CDH13: variants seen among roughly 807,000 people sequenced by gnomAD.
The protein encoded by CDH13 is cadherin-13.
In CDH13, 24 loss-of-function variants were observed where a neutral mutation model predicts 63.8. The observed-to-expected ratio is 0.38, with a 90% CI of 0.27 to 0.53. The LOEUF is 0.53. Among genes scored for constraint, CDH13 ranks in the 20% least tolerant of loss-of-function variants. CDH13 has a pLI of 0.85. For synonymous variants in CDH13, 503 were observed against 355.3 expected, an observed-to-expected ratio of 1.42 and a Z score of -4.67; for missense variants, 1,049 against 903.1, an observed-to-expected ratio of 1.16 and a Z score of -2.07.
At chr16:83,403,870 T>A (rs1047262518) in intron 6 of CDH13, among the ~76,000 whole-genome samples, 1 of 152,076 alleles carries the variant, frequency 6.6e-6, no homozygotes, top group Non-Finnish European at 1.5e-5. Flanking sequence ...AAAAGGAAGG[T>A]GATTTACAAT....
At position 82,644,677 on chromosome 16, in the gene CDH13, A is replaced by G. The variant is rs1038254235; in HGVS notation, c.45+17540A>G. Among the ~76,000 whole-genome samples, 1 of 152,088 alleles carries G rather than the reference A, an allele frequency of 6.6e-6. No homozygotes were observed. Among genetic ancestry groups the G allele is most frequent in the African/African-American group, 2.4e-5 (1 of 41,412 alleles). On this transcript the variant is annotated intron_variant, in intron 1 of 13. Transcript: ENST00000567109. The surrounding 1 kb of genome is among the most constrained non-coding windows in gnomAD (Gnocchi z 5.7). The stretch of plus-strand genomic sequence containing the variant: ...GGCTGGGGCAGAAGTCAGGACTTGA[A>G]CTGGCTCTGGCTGGGACCCAGGCTC...
At chr16:82,690,692 C>CTA (rs980807491) in intron 1 of CDH13, among the ~76,000 whole-genome samples, 49 of 152,252 alleles carry the variant, frequency 3.2e-4, no homozygotes, top group African/African-American at 1.2e-3. Context: ...CTGGAAGCCA[C>CTA]TATGCCCACC....
At chr16:83,089,741 A>G (rs769033755) in intron 3 of CDH13, among the ~76,000 whole-genome samples, 1 of 152,164 alleles carries the variant, frequency 6.6e-6, no homozygotes, top group Non-Finnish European at 1.5e-5. Flanking sequence ...TATAAGGGCT[A>G]CACGTCGGAA....
At chr16:83,564,960 A>G (rs1342892939) in intron 7 of CDH13, among the ~76,000 whole-genome samples, 1 of 152,090 alleles carries the variant, frequency 6.6e-6, no homozygotes. Context: ...TGTTGTTTTC[A>G]GTTAGAAGCA....
chr16:82,672,782 CACACACACACACACACACAT>C (rs952241011), intron 1 of CDH13, among the ~76,000 whole-genome samples: 7 of 149,192 alleles, frequency 4.7e-5, no homozygotes, highest in African/African-American at 1.5e-4. Context: ...CACACACACA[CACACACACACACACACACAT>C]ACACACACAC....
chr16:82,762,876 G>C (rs1271429934), intron 1 of CDH13, among the ~76,000 whole-genome samples: 1 of 152,174 alleles, frequency 6.6e-6, no homozygotes, highest in Non-Finnish European at 1.5e-5. Context: ...TTCATTAATA[G>C]CCATTATTGT....
intron 6 of CDH13, among the ~76,000 whole-genome samples, chr16:83,400,196 A>T (rs2091947109): frequency 6.6e-6 from 1 of 151,982 alleles, no homozygotes; most frequent in African/African-American, 2.4e-5. Context: ...GGACTCCTTG[A>T]TGGCCACGAA....
intron 1 of CDH13, among the ~76,000 whole-genome samples, chr16:82,782,583 G>T (rs2035813132): frequency 1.3e-5 from 2 of 151,862 alleles, no homozygotes; most frequent in South Asian, 4.2e-4. Flanking sequence ...TAAACAAATG[G>T]ATGCATGAAC....
intron 10 of CDH13, among the ~76,000 whole-genome samples, chr16:83,736,554 T>C (rs1221833836): frequency 1.3e-5 from 2 of 152,092 alleles, no homozygotes; most frequent in Admixed American, 6.5e-5. Flanking sequence ...TTATATGAGA[T>C]ATAAATGTCT....
intron 1 of CDH13, among the ~76,000 whole-genome samples, chr16:82,854,148 C>T (rs760218067): frequency 2.6e-5 from 4 of 152,054 alleles, no homozygotes; most frequent in Non-Finnish European, 5.9e-5. Flanking sequence ...GCCTGTAATC[C>T]TAGAACTTTG....
At chr16:83,211,389 A>G (rs1209217892) in intron 4 of CDH13, among the ~76,000 whole-genome samples, 2 of 152,228 alleles carry the variant, frequency 1.3e-5, no homozygotes, top group Non-Finnish European at 2.9e-5. Flanking sequence ...ACACACATAT[A>G]CACATACAAA....
intron 2 of CDH13, among the ~76,000 whole-genome samples, chr16:82,866,377 C>G (rs1372960421): frequency 1.7e-5 from 1 of 58,300 alleles, no homozygotes; most frequent in Non-Finnish European, 2.9e-5. Flanking sequence ...TTTTCTTCTT[C>G]TTTTTTTTTT....
intron 7 of CDH13, among the ~76,000 whole-genome samples, chr16:83,576,641 T>A (rs888138900): frequency 6.6e-6 from 1 of 152,234 alleles, no homozygotes; most frequent in Non-Finnish European, 1.5e-5. Context: ...AGAATTCCAG[T>A]TTCTCCACAT....
At chr16:83,016,856 G>A (rs780639130) in intron 2 of CDH13, among the ~76,000 whole-genome samples, 3 of 152,148 alleles carry the variant, frequency 2.0e-5, no homozygotes, top group East Asian at 1.9e-4. Flanking sequence ...CTGGCTACAC[G>A]TCATTTATGA....
chr16:82,837,517 G>T (rs546670264), intron 1 of CDH13, among the ~76,000 whole-genome samples: 2 of 152,100 alleles, frequency 1.3e-5, no homozygotes, highest in Non-Finnish European at 2.9e-5. Flanking sequence ...GATTTATTAC[G>T]GTGAAAATAT....
chr16:83,384,746 A>C (rs2091639291), intron 6 of CDH13, among the ~76,000 whole-genome samples: 1 of 152,226 alleles, frequency 6.6e-6, no homozygotes, highest in Non-Finnish European at 1.5e-5. Flanking sequence ...ATGTGGACTA[A>C]TGATGAATCT....
intron 6 of CDH13, 75 bp from the exon 7 acceptor site, chr16:83,486,402 C>G: frequency 7.7e-7 from 1 of 1,304,814 alleles, no homozygotes; most frequent in Non-Finnish European, 1.1e-6. Flanking sequence ...CTGCTATTGC[C>G]CAGGTGGGGA....
chr16:82,666,984 T>C (rs1031589503), intron 1 of CDH13, among the ~76,000 whole-genome samples: 3 of 152,184 alleles, frequency 2.0e-5, no homozygotes, highest in South Asian at 4.1e-4. Flanking sequence ...CAGTTCCTGT[T>C]CTTAAACACG....
intron 1 of CDH13, among the ~76,000 whole-genome samples, chr16:82,791,753 C>A (rs1013739023): frequency 1.3e-5 from 2 of 152,212 alleles, no homozygotes; most frequent in Non-Finnish European, 2.9e-5. Context: ...GGCTAAGTGC[C>A]TGGGTTCGTC....
Sources: allele counts gnomAD v4.1 joint callset (sites outside exome capture counted in the v4.1 genomes callset), GRCh38; gene constraint gnomAD v4.1.1; non-coding constraint Gnocchi (gnomAD v3.1); transcripts MANE v1.5; gene names NCBI Gene and HGNC (gene_info 2026-07-23, HGNC 2026-07-21).